Variants in HDAC9 observed in about 807,000 individuals in gnomAD.
HDAC9 encodes the protein MEF-2 interacting transcription repressor (MITR) protein.
A neutral mutation model predicts 139.4 loss-of-function variants in HDAC9; 41 were observed. The observed-to-expected ratio is 0.29, with a 90% confidence interval of 0.23 to 0.38. The LOEUF (loss-of-function observed/expected upper bound fraction) is 0.38, where lower values mean the gene tolerates loss of function less well. HDAC9 is among the 10% of genes least tolerant of loss of function. The pLI is 1.00. For synonymous variants in HDAC9, 517 were observed against 476.2 expected (o/e 1.09, Z -1.12); for missense variants, 1,147 against 1,297.0 (o/e 0.88, Z 1.78).
chr7:18,751,413 T>C (rs1788435531), intron 14 of HDAC9, among the ~76,000 whole-genome samples: 1 of 152,156 alleles, frequency 6.6e-6, no homozygotes, highest in South Asian at 2.1e-4. Context: ...AAGCCACTTT[T>C]CCTAACATAG....
At chr7:18,880,712 G>A (rs1486238518) in intron 22 of HDAC9, among the ~76,000 whole-genome samples, 1 of 151,850 alleles carries the variant, frequency 6.6e-6, no homozygotes, top group Non-Finnish European at 1.5e-5. Flanking sequence ...TAATTCCTAA[G>A]TGATGAAATA....
chr7:18,110,896 AT>A (rs1360232128), intron 1 of HDAC9, among the ~76,000 whole-genome samples: 1 of 152,162 alleles, frequency 6.6e-6, no homozygotes, highest in Non-Finnish European at 1.5e-5. Flanking sequence ...GGAGTCTGGG[AT>A]TCTTTCACAT....
At chr7:18,138,132 C>T (rs780121413) in intron 1 of HDAC9, among the ~76,000 whole-genome samples, 64 of 152,164 alleles carry the variant, frequency 4.2e-4, no homozygotes, top group Non-Finnish European at 6.3e-4. Flanking sequence ...GTTTGTATTT[C>T]TGTGGGATCG....
chr7:18,144,676 T>C (rs759092787), intron 1 of HDAC9, among the ~76,000 whole-genome samples: 59 of 152,288 alleles, frequency 3.9e-4, no homozygotes, highest in Non-Finnish European at 7.4e-4. Flanking sequence ...TCTGCTCTCC[T>C]TTTCGTGATC....
chr7:18,298,486 C>T (rs1042082766), intron 1 of HDAC9, among the ~76,000 whole-genome samples: 1 of 152,022 alleles, frequency 6.6e-6, no homozygotes, highest in African/African-American at 2.4e-5. Flanking sequence ...TTCCTGTGTC[C>T]ATGTGATCTC....
chr7:18,932,124 C>A (rs995176076), intron 22 of HDAC9, among the ~76,000 whole-genome samples: 13 of 152,010 alleles, frequency 8.6e-5, no homozygotes, highest in Non-Finnish European at 1.5e-4. Flanking sequence ...TCTGTAAATA[C>A]AAAACTGCTC....
At position 18,702,870 on chromosome 7, in the gene HDAC9, T is replaced by C. The variant is rs114035002; in HGVS notation, c.1732-24710T>C. On this transcript the variant is annotated intron_variant, in intron 12 of 25. Coordinates refer to ENST00000686413, the MANE Select transcript of HDAC9 (RefSeq NM_178425.4). The stretch of plus-strand genomic sequence containing the variant: ...TGAACTTTAAACATCCTTTGTAAGG[T>C]ATGCATTTTCTGCCTCAAGAGTAAA... 4.3e-3 allele frequency among the ~76,000 whole-genome samples: 650 copies of C among 152,342 alleles called. 4 individuals are homozygous for C. The highest frequency in any genetic ancestry group is 0.014 in the African/African-American group (567 of 41,574).
At chr7:18,496,620 C>T in intron 2 of HDAC9, 1 of 378,610 alleles carries the variant, frequency 2.6e-6, no homozygotes, top group South Asian at 4.4e-5. Context: ...TACTATGCAA[C>T]TAGAAAAAGG....
chr7:18,648,650 G>C lies in HDAC9; in HGVS notation c.1434G>C (p.Gln478His). The C allele has an allele frequency of 6.2e-7, 1 of 1,613,168 alleles. No individual in the cohort carries two copies. ...QQQHQQFLEK[Q>H]KQYQQQIHMN... ...AACACCAGCAATTCTTGGAGAAGCA[G>C]AAGCAATACCAGCAGCAGATCCACA... Residue 478 changes from glutamine (Q) to histidine (H), a missense_variant, in exon 11 of 26, where the codon CAG becomes CAC. Gln to His is a conservative substitution (Grantham distance 24). Around this residue, in one of 7 missense-constraint regions of HDAC9, gnomAD observed 256 missense variants for 219.2 expected, o/e 1.17. Coordinates refer to ENST00000686413, the MANE Select transcript of HDAC9 (RefSeq NM_178425.4).
intron 2 of HDAC9, among the ~76,000 whole-genome samples, chr7:18,550,046 T>C (rs148850854): frequency 1.4e-3 from 215 of 152,174 alleles, no homozygotes; most frequent in African/African-American, 4.8e-3. Context: ...CATTTTCAAC[T>C]CAATTTTAGT....
intron 1 of HDAC9, among the ~76,000 whole-genome samples, chr7:18,428,280 G>A (rs1246969048): frequency 6.6e-6 from 1 of 152,038 alleles, no homozygotes; most frequent in African/African-American, 2.4e-5. Context: ...CTAACAGTGT[G>A]CAACAAACTG....
chr7:18,676,565 A>T (rs1441759415), intron 12 of HDAC9, among the ~76,000 whole-genome samples: 2 of 152,030 alleles, frequency 1.3e-5, no homozygotes, highest in Non-Finnish European at 2.9e-5. Context: ...GTGCTATCAA[A>T]TCCTTTTTTA....
Position 18,845,902 on chromosome 7 carries a change from T to C in HDAC9, c.2684+9905T>C, listed in dbSNP as rs187162115. On this transcript the variant is annotated intron_variant, in intron 21 of 25. Coordinates refer to ENST00000686413, the MANE Select transcript of HDAC9 (RefSeq NM_178425.4). ...TCTGTGTTTTGTTCCAGGAGGAGTT[T>C]GCTTGGAGTCACGTGCACTGTGGTA... 3.0e-4 allele frequency among the ~76,000 whole-genome samples: 45 copies of C among 152,254 alleles called. No homozygotes were observed. The East Asian group carries it at 4.2e-3, about 14-fold the overall frequency.
chr7:18,505,127 A>G (rs1398496300), intron 2 of HDAC9, among the ~76,000 whole-genome samples: 7 of 152,214 alleles, frequency 4.6e-5, no homozygotes, highest in Non-Finnish European at 8.8e-5. Flanking sequence ...CCAAGCTTCT[A>G]TGAGCGTGCT....
At chr7:18,827,750 G>A (rs1178410153) in intron 17 of HDAC9, among the ~76,000 whole-genome samples, 1 of 152,042 alleles carries the variant, frequency 6.6e-6, no homozygotes, top group African/African-American at 2.4e-5. Context: ...TTATATTCTT[G>A]TATTATATAT....
At chr7:18,573,116 T>A (rs1291743935) in intron 2 of HDAC9, among the ~76,000 whole-genome samples, 1 of 152,216 alleles carries the variant, frequency 6.6e-6, no homozygotes, top group African/African-American at 2.4e-5. Context: ...GAATAGTAAA[T>A]CAAAGCCCAG....
chr7:18,483,558 A>G (rs184127154), intron 1 of HDAC9, among the ~76,000 whole-genome samples: 8 of 152,236 alleles, frequency 5.3e-5, no homozygotes, highest in East Asian at 1.9e-4. Context: ...AAGGGTGGCC[A>G]TGTTGTCTAA....
At chr7:18,938,833 A>G (rs1386610644) in intron 23 of HDAC9, among the ~76,000 whole-genome samples, 2 of 152,200 alleles carry the variant, frequency 1.3e-5, no homozygotes, top group Admixed American at 1.3e-4. Flanking sequence ...AAGGGAATTT[A>G]ATTGGAGACC....
At chr7:18,384,769 GAA>G in intron 1 of HDAC9, among the ~76,000 whole-genome samples, 1 of 120,596 alleles carries the variant, frequency 8.3e-6, no homozygotes, top group African/African-American at 3.0e-5. Flanking sequence ...GGAGAAAAAA[GAA>G]AAAAAAAAAA....
Sources: allele counts gnomAD v4.1 joint callset (sites outside exome capture counted in the v4.1 genomes callset), GRCh38; gene constraint gnomAD v4.1.1; regional missense constraint gnomAD v4.1.1; transcripts MANE v1.5; gene names NCBI Gene and HGNC (gene_info 2026-07-23, HGNC 2026-07-21).